The following CD8B variants were observed in gnomAD, a reference collection of about 807,000 sequenced individuals.
CD8B encodes CD8 subunit beta, also known as T-cell surface glycoprotein CD8 beta chain.
In CD8B, 6 loss-of-function variants were observed where a neutral mutation model predicts 24.2. The observed-to-expected ratio is 0.25, with a 90% confidence interval of 0.14 to 0.49. The LOEUF (loss-of-function observed/expected upper bound fraction) is 0.49. Among genes scored for constraint, CD8B ranks in the 20% least tolerant of loss-of-function variants. CD8B has a pLI of 0.98. For missense variants in CD8B, 196 were observed against 271.3 expected, an observed-to-expected ratio of 0.72 and a Z score of 1.95; for synonymous variants, 84 against 108.3, an observed-to-expected ratio of 0.78 and a Z score of 1.39.
chr2:86,815,996 C>G (rs938552590), intron 5 of CD8B, among the ~76,000 whole-genome samples: 1 of 152,188 alleles, frequency 6.6e-6, no homozygotes, highest in African/African-American at 2.4e-5. Context: ...ATTACCTGCT[C>G]AGTTATTCCC....
chr2:86,829,518 A>G lies in CD8B; in HGVS notation c.621-13800T>C, dbSNP rs942103572. 2.0e-5 allele frequency among the ~76,000 whole-genome samples: 3 copies of G among 152,206 alleles called. No homozygotes were observed. The East Asian group carries it at 5.8e-4, about 29-fold the overall frequency. On this transcript the variant is annotated intron_variant, in intron 5 of 5. Transcript: ENST00000331469. ...GCAAGGGAAAATAAAAAGAGAAAGC[A>G]GATAAGCAACAAGTCTGCCTTTCTT...
At chr2:86,829,455 A>T (rs1485734726) in intron 5 of CD8B, among the ~76,000 whole-genome samples, 1 of 152,006 alleles carries the variant, frequency 6.6e-6, no homozygotes, top group Admixed American at 6.6e-5. Flanking sequence ...CTAATTAGGG[A>T]AAAAGGAGTC....
At chr2:86,824,573 C>T (rs1273331876) in intron 5 of CD8B, among the ~76,000 whole-genome samples, 1 of 152,188 alleles carries the variant, frequency 6.6e-6, no homozygotes, top group African/African-American at 2.4e-5. Flanking sequence ...GCAACCCATT[C>T]CCTTCCTGGG....
downstream of CD8B, among the ~76,000 whole-genome samples, chr2:86,834,903 T>A (rs1156703830): frequency 6.3e-5 from 8 of 126,112 alleles, no homozygotes; most frequent in African/African-American, 2.5e-4. Context: ...GCCACTGCAC[T>A]CCAGCCTGGG....
rs950261310 is a variant in CD8B at position 86,839,499 on chromosome 2, A to G, written c.*2808T>C. Reference sequence around the variant, plus strand: ...TCATAATGGCCCTATAGAGTGTAGTAGCAGCTCAGCTCCTTCTTCAAACAA... The same window carrying G: ...TCATAATGGCCCTATAGAGTGTAGTGGCAGCTCAGCTCCTTCTTCAAACAA... On this transcript the variant is annotated 3_prime_UTR_variant, in exon 6 of 6. Transcript: ENST00000390655. 2.6e-5 allele frequency among the ~76,000 whole-genome samples: 4 copies of G among 152,232 alleles called. No homozygotes were observed. Among genetic ancestry groups the G allele is most frequent in the Non-Finnish European group, 4.4e-5 (3 of 68,044 alleles).
chr2:86,846,297 G>A lies in CD8B; in HGVS notation c.583+387C>T, dbSNP rs368510294. ...AAACTTTTCTGGACACTGGGCTTTGGTCTCAACTGCTCACGTGAGTTCCCA... is the reference window on the plus strand; with the variant it reads ...AAACTTTTCTGGACACTGGGCTTTGATCTCAACTGCTCACGTGAGTTCCCA... On this transcript the variant is annotated intron_variant, in intron 4 of 5. Transcript: ENST00000390655. Among the ~76,000 whole-genome samples, 6 of 152,252 alleles carry A rather than the reference G, an allele frequency of 3.9e-5. No homozygotes were observed. In the South Asian group the frequency reaches 6.2e-4, roughly 16 times the overall value.
chr2:86,820,413 T>A (rs574088270), intron 5 of CD8B, among the ~76,000 whole-genome samples: 2 of 152,352 alleles, frequency 1.3e-5, no homozygotes, highest in East Asian at 3.9e-4. Context: ...ACCATTCTGA[T>A]CAGTCAGCAG....
chr2:86,833,566 C>A (rs1675030387), downstream of CD8B, among the ~76,000 whole-genome samples: 1 of 137,352 alleles, frequency 7.3e-6, no homozygotes, highest in Admixed American at 7.4e-5. Context: ...CCCCTCCCCT[C>A]TCTCTCCCTC....
At chr2:86,860,333 G>A (rs1275911185) in intron 1 of CD8B, among the ~76,000 whole-genome samples, 1 of 152,092 alleles carries the variant, frequency 6.6e-6, no homozygotes, top group Non-Finnish European at 1.5e-5. Flanking sequence ...TGATGCCTGG[G>A]GCACAAGTGG....
At chr2:86,816,608 C>A (rs1270661524) in intron 5 of CD8B, among the ~76,000 whole-genome samples, 1 of 152,100 alleles carries the variant, frequency 6.6e-6, no homozygotes, top group Non-Finnish European at 1.5e-5. Context: ...TTGGAGATGG[C>A]TGGGCACTCC....
Position 86,839,636 on chromosome 2 carries a change from G to A in CD8B, c.*2671C>T, listed in dbSNP as rs1350842590. ...GAGCCCGCCTCGGCAGGTGCCTGCT[G>A]CACAGAAAACTGACAGAGGAGCGCA... On this transcript the variant is annotated 3_prime_UTR_variant, in exon 6 of 6. Transcript: ENST00000390655. 1.3e-5 allele frequency among the ~76,000 whole-genome samples: 2 copies of A among 152,232 alleles called. No individual in the cohort carries two copies. The highest frequency in any genetic ancestry group is 2.9e-5 in the Non-Finnish European group (2 of 68,042).
intron 5 of CD8B, among the ~76,000 whole-genome samples, chr2:86,823,732 T>A (rs1002372804): frequency 1.3e-5 from 2 of 152,146 alleles, no homozygotes; most frequent in Non-Finnish European, 2.9e-5. Flanking sequence ...TAAGAAACGC[T>A]CAAGAAGCAC....
At chr2:86,821,823 C>G in intron 5 of CD8B, 1 of 335,564 alleles carries the variant, frequency 3.0e-6, no homozygotes, top group South Asian at 2.1e-5. Context: ...GTTCCGAGCC[C>G]CCTGCTTCCT....
At chr2:86,852,878 G>A (rs954285456) in intron 3 of CD8B, 119 bp downstream of exon 3, 28 of 1,451,414 alleles carry the variant, frequency 1.9e-5, no homozygotes, top group Admixed American at 1.5e-4. Context: ...AGCTTAGGCC[G>A]GGGAGATAGG....
chr2:86,821,247 A>G lies in CD8B; in HGVS notation c.621-5529T>C, dbSNP rs1233065649. Reference sequence around the variant, plus strand: ...ACTCATGAAGCCTGCTGCTCCTTCAATTCTCAAGGCGTTGGAGTGAGGCCG... The same window carrying G: ...ACTCATGAAGCCTGCTGCTCCTTCAGTTCTCAAGGCGTTGGAGTGAGGCCG... On this transcript the variant is annotated intron_variant, in intron 5 of 5. Transcript: ENST00000331469. 2.0e-5 allele frequency among the ~76,000 whole-genome samples: 3 copies of G among 151,806 alleles called. No individual in the cohort carries two copies. In the East Asian group the frequency reaches 5.8e-4, roughly 29 times the overall value.
intron 5 of CD8B, among the ~76,000 whole-genome samples, chr2:86,819,330 G>A (rs1318886160): frequency 6.6e-6 from 1 of 152,232 alleles, no homozygotes; most frequent in Admixed American, 6.5e-5. Flanking sequence ...TATATTGGAA[G>A]AAGATGCTAC....
chr2:86,853,800 G>C (rs1444375578), intron 2 of CD8B, among the ~76,000 whole-genome samples: 2 of 152,170 alleles, frequency 1.3e-5, no homozygotes, highest in East Asian at 1.9e-4. Flanking sequence ...TTGCCTCCCA[G>C]GTTCAAGCAA....
chr2:86,825,174 C>T (rs920216513), intron 5 of CD8B, among the ~76,000 whole-genome samples: 1 of 152,124 alleles, frequency 6.6e-6, no homozygotes, highest in African/African-American at 2.4e-5. Flanking sequence ...TTCTGTCCCA[C>T]GCAGCTTGGG....
At position 86,841,807 on chromosome 2, in the gene CD8B, C is replaced by G. The variant is rs1253029690; in HGVS notation, c.*500G>C. 3 of 985,668 alleles carry G rather than the reference C, an allele frequency of 3.0e-6. No individual in the cohort carries two copies. The highest frequency in any genetic ancestry group is 1.2e-4 in the Admixed American group (2 of 16,280). 61.1% of individuals were successfully genotyped at this position (985,668 alleles called of 1,614,324 possible). Reference sequence around the variant, plus strand: ...ACTGATATGCCTTCTGGGAACTGGACAGCCCCTCTCAGCAAGCCTCATTCC... The same window carrying G: ...ACTGATATGCCTTCTGGGAACTGGAGAGCCCCTCTCAGCAAGCCTCATTCC... On this transcript the variant is annotated 3_prime_UTR_variant, in exon 6 of 6. Coordinates refer to ENST00000390655, the MANE Select transcript of CD8B (RefSeq NM_004931.5).
Sources: gnomAD v4.1 joint callset for allele counts (sites outside exome capture counted in the v4.1 genomes callset) on GRCh38, gnomAD v4.1.1 for gene constraint, MANE v1.5 for transcripts, NCBI Gene and HGNC (gene_info 2026-07-23, HGNC 2026-07-21) for gene names.